Variants in VWA8 observed in about 807,000 individuals in gnomAD.
The protein encoded by VWA8 is von Willebrand factor A domain-containing protein 8.
Under a neutral mutation model 241.5 loss-of-function variants are expected in VWA8, and 221 were observed. That is an observed-to-expected ratio of 0.91 (90% CI 0.82 to 1.02). The LOEUF (loss-of-function observed/expected upper bound fraction) is 1.02. Ranked by LOEUF, VWA8 falls within the 50% of genes least tolerant of loss-of-function variation. The pLI is 0.00. For missense variants in VWA8, 2,322 were observed against 2,328.7 expected, an observed-to-expected ratio of 1.00 and a Z score of 0.06; for synonymous variants, 852 against 827.1, an observed-to-expected ratio of 1.03 and a Z score of -0.52.
At chr13:41,944,588 C>G (rs1877762295) in intron 2 of VWA8, among the ~76,000 whole-genome samples, 1 of 152,196 alleles carries the variant, frequency 6.6e-6, no homozygotes, top group South Asian at 2.1e-4. Flanking sequence ...GCTAGGATTA[C>G]AGGCGTGAGC....
chr13:41,915,680 CA>C (rs1409069609), intron 2 of VWA8, among the ~76,000 whole-genome samples: 3 of 152,174 alleles, frequency 2.0e-5, no homozygotes, highest in Non-Finnish European at 4.4e-5. Context: ...GCGAGGAAAT[CA>C]GTAGAGAATA....
chr13:41,814,610 G>A (rs1870610670), intron 16 of VWA8, among the ~76,000 whole-genome samples: 1 of 152,104 alleles, frequency 6.6e-6, no homozygotes, highest in Non-Finnish European at 1.5e-5. Context: ...GGCAAAGAGA[G>A]TCAATCCCTT....
At chr13:41,653,780 C>T (rs1054978272) in intron 37 of VWA8, among the ~76,000 whole-genome samples, 7 of 152,064 alleles carry the variant, frequency 4.6e-5, no homozygotes, top group Admixed American at 1.3e-4. Context: ...ATATGATTCT[C>T]GACAAAGTCA....
intron 37 of VWA8, among the ~76,000 whole-genome samples, chr13:41,659,165 C>G (rs1250441149): frequency 6.6e-6 from 1 of 152,174 alleles, no homozygotes; most frequent in Non-Finnish European, 1.5e-5. Flanking sequence ...CCCATCATGA[C>G]CTTGTATCAG....
At chr13:41,855,916 G>C (rs1412837798) in intron 12 of VWA8, among the ~76,000 whole-genome samples, 1 of 152,186 alleles carries the variant, frequency 6.6e-6, no homozygotes, top group African/African-American at 2.4e-5. Context: ...GCAGAGTTGA[G>C]AAGTTTTAAC....
intron 29 of VWA8, among the ~76,000 whole-genome samples, chr13:41,698,733 C>T (rs1175007562): frequency 2.0e-5 from 3 of 152,178 alleles, no homozygotes; most frequent in African/African-American, 4.8e-5. Flanking sequence ...TTATCATTAC[C>T]TGAAACTGGC....
rs150858999 is a variant in VWA8 at position 41,847,348 on chromosome 13, C to A, written c.1426-13817G>T. 6.7e-4 allele frequency among the ~76,000 whole-genome samples: 102 copies of A among 152,286 alleles called. 1 individual carries two copies. Among genetic ancestry groups the A allele is most frequent in the African/African-American group, 2.2e-3 (93 of 41,566 alleles). On this transcript the variant is annotated intron_variant, in intron 12 of 44. Coordinates refer to ENST00000379310, the MANE Select transcript of VWA8 (RefSeq NM_015058.2). Reference sequence around the variant, plus strand: ...TGACTCAGTGCATCAAAAACGCTTTCTCTACAGATATTTAAGTTGAGATTT... The same window carrying A: ...TGACTCAGTGCATCAAAAACGCTTTATCTACAGATATTTAAGTTGAGATTT...
intron 19 of VWA8, among the ~76,000 whole-genome samples, chr13:41,780,135 C>T (rs1393128628): frequency 3.3e-5 from 5 of 152,148 alleles, no homozygotes; most frequent in Non-Finnish European, 7.4e-5. Context: ...TTGTGACTAT[C>T]TGTACCCAGG....
In VWA8 at chr13:41,883,371, GGAA is replaced by G; in HGVS notation, c.1080+13_1080+15del. ...AAATGGGAAAAGAAAGGAAAGAAAG[GGAA>G]GCAGACACTCACCTTTAAAACACCT... On this transcript the variant is annotated intron_variant, in intron 9 of 44. Transcript: ENST00000379310. 6.3e-7 allele frequency: 1 copy of G among 1,584,438 alleles called. No homozygotes were observed. The highest frequency in any genetic ancestry group is 8.7e-7 in the Non-Finnish European group (1 of 1,154,090).
intron 19 of VWA8, among the ~76,000 whole-genome samples, chr13:41,778,659 GCTGGGAAGAGAT>G (rs1868731749): frequency 1.3e-5 from 1 of 79,778 alleles, no homozygotes; most frequent in Admixed American, 1.4e-4. Context: ...GTTCTTTAGG[GCTGGGAAGAGAT>G]CTACACTCCA....
chr13:41,726,982 G>A (rs1208130915), intron 24 of VWA8, among the ~76,000 whole-genome samples: 4 of 152,150 alleles, frequency 2.6e-5, no homozygotes, highest in Admixed American at 1.3e-4. Flanking sequence ...GTGACAGAGC[G>A]AGACTCCATC....
chr13:41,795,513 A>G (rs1306406906), intron 17 of VWA8, among the ~76,000 whole-genome samples: 1 of 152,244 alleles, frequency 6.6e-6, no homozygotes, highest in Non-Finnish European at 1.5e-5. Flanking sequence ...TCATTGCAGC[A>G]CTATTCACAA....
chr13:41,889,504 G>A (rs1309558992), intron 5 of VWA8, among the ~76,000 whole-genome samples: 1 of 151,640 alleles, frequency 6.6e-6, no homozygotes, highest in African/African-American at 2.4e-5. Context: ...TCAGCCTCCC[G>A]AGTAGCTGGG....
At chr13:41,786,702 T>A (rs1324969366) in intron 18 of VWA8, among the ~76,000 whole-genome samples, 1 of 152,134 alleles carries the variant, frequency 6.6e-6, no homozygotes, top group Non-Finnish European at 1.5e-5. Context: ...CAATACCAAA[T>A]TCTTGTCTCA....
At chr13:41,729,801 AC>A in intron 22 of VWA8, 124 bp from the exon 23 acceptor site, 2 of 249,334 alleles carry the variant, frequency 8.0e-6, no homozygotes, top group Non-Finnish European at 1.3e-5. Context: ...ACACGTAGAC[AC>A]ACACACACAC....
chr13:41,892,843 C>T (rs1384126692), intron 4 of VWA8, among the ~76,000 whole-genome samples: 1 of 152,138 alleles, frequency 6.6e-6, no homozygotes, highest in Non-Finnish European at 1.5e-5. Context: ...AGTTCAAGCT[C>T]TCCTTACCTC....
chr13:41,659,815 T>C (rs575999530), intron 37 of VWA8, among the ~76,000 whole-genome samples: 75 of 152,226 alleles, frequency 4.9e-4, no homozygotes, highest in Non-Finnish European at 1.0e-3. Flanking sequence ...AACTGTTACG[T>C]GTCCTATAGA....
chr13:41,689,550 C>T (rs2045161785), intron 33 of VWA8, 42 bp from the exon 34 acceptor site: 2 of 1,456,836 alleles, frequency 1.4e-6, no homozygotes, highest in Admixed American at 2.5e-5. Context: ...TCCTGAAATG[C>T]TCCAGGAATT....
At chr13:41,893,652 G>A (rs1436700445) in intron 4 of VWA8, among the ~76,000 whole-genome samples, 3 of 152,162 alleles carry the variant, frequency 2.0e-5, no homozygotes, top group African/African-American at 7.2e-5. Flanking sequence ...TTGGGAGGCT[G>A]AGGAGGGTGG....
Sources: gnomAD v4.1 joint callset for allele counts (sites outside exome capture counted in the v4.1 genomes callset) on GRCh38, gnomAD v4.1.1 for gene constraint, MANE v1.5 for transcripts, NCBI Gene and HGNC (gene_info 2026-07-23, HGNC 2026-07-21) for gene names.